KIF27: variants seen among roughly 807,000 people sequenced by gnomAD.
KIF27 encodes the protein kinesin-like protein KIF27.
KIF27 carries 84 observed loss-of-function variants against 141.8 expected under a neutral mutation model. The ratio of observed to expected loss-of-function variants is 0.59; its 90% CI spans 0.50 to 0.71. The LOEUF (loss-of-function observed/expected upper bound fraction) is 0.71. KIF27 is among the 30% of genes least tolerant of loss of function. KIF27 has a pLI of 0.00. For missense variants in KIF27, 1,306 were observed against 1,628.4 expected (o/e 0.80, Z 3.41); for synonymous variants, 471 against 569.5 (o/e 0.83, Z 2.46).
rs769178563 is a variant in KIF27, at chr9:83,899,792, C to T, written c.1471G>A (p.Ala491Thr). ...TTCTGATTAAATACTACTTCATCAG[C>T]AGCAAGCACACACTAGTGGGGAAAG... ...ELKKCQCVLA[A>T]DEVVFNQKEL... The change falls in exon 5 of 18, where the codon GCT (alanine) becomes ACT (threonine). Residue 491 changes from alanine to threonine, a missense_variant. Transcript: ENST00000297814. 5.6e-6 allele frequency: 9 copies of T among 1,611,856 alleles called. No homozygotes were observed. The highest frequency in any genetic ancestry group is 7.6e-6 in the Non-Finnish European group (9 of 1,178,874).
chr9:83,886,803 A>G (rs1319252013), intron 9 of KIF27, among the ~76,000 whole-genome samples: 3 of 152,022 alleles, frequency 2.0e-5, no homozygotes, highest in Non-Finnish European at 2.9e-5. Flanking sequence ...AGTGCCACAG[A>G]ATTTCAGCAC....
chr9:83,915,270 AG>A (rs770481807), intron 2 of KIF27, 23 bp downstream of exon 2: 1 of 1,553,538 alleles, frequency 6.4e-7, no homozygotes, highest in East Asian at 2.3e-5. Flanking sequence ...CACAAATAAA[AG>A]TCAAAGAGTA....
In KIF27 at chr9:83,850,005, T is replaced by C. The variant is rs943434389; in HGVS notation, c.3556+94A>G. 21 of 1,111,184 alleles carry C rather than the reference T, an allele frequency of 1.9e-5. No homozygotes were observed. In the South Asian group the frequency reaches 2.0e-4, roughly 11 times the overall value. The allele number at this position is 1,111,184 out of a possible 1,614,324, so 68.8% of individuals were successfully genotyped here. On this transcript the variant is annotated intron_variant, in intron 16 of 17. Coordinates refer to ENST00000297814, the MANE Select transcript of KIF27 (RefSeq NM_017576.4). The stretch of plus-strand genomic sequence containing the variant: ...TGTCTAAGTAGCAACTATTTAAACA[T>C]GTTGACCTTTTAAGTGATCAAATTC...
At chr9:83,905,306 G>T (rs1367530495) in intron 3 of KIF27, among the ~76,000 whole-genome samples, 1 of 152,080 alleles carries the variant, frequency 6.6e-6, no homozygotes, top group Non-Finnish European at 1.5e-5. Context: ...TTTTAGTACA[G>T]ACGGGGTTTC....
chr9:83,877,769 T>G (rs1221563880), intron 11 of KIF27, among the ~76,000 whole-genome samples: 2 of 152,182 alleles, frequency 1.3e-5, no homozygotes, highest in African/African-American at 4.8e-5. Context: ...TGATAGAATT[T>G]AATGTCAGAA....
chr9:83,899,864 A>C (rs1302266156), intron 4 of KIF27, 60 bp from the exon 5 acceptor site: 1 of 1,413,628 alleles, frequency 7.1e-7, no homozygotes, highest in Non-Finnish European at 9.6e-7. Context: ...GAAACCCCAT[A>C]TGATAACACA....
intron 3 of KIF27, among the ~76,000 whole-genome samples, chr9:83,905,592 A>G (rs893309446): frequency 2.6e-5 from 4 of 152,182 alleles, no homozygotes; most frequent in Non-Finnish European, 4.4e-5. Flanking sequence ...CCATCATGAC[A>G]CTTTTTAAAC....
At chr9:83,865,568 A>AT (rs1480799411) in intron 13 of KIF27, among the ~76,000 whole-genome samples, 1 of 152,162 alleles carries the variant, frequency 6.6e-6, no homozygotes, top group Non-Finnish European at 1.5e-5. Flanking sequence ...AAGTGCTGGG[A>AT]TTACAGGTGT....
rs866103281 is a variant in KIF27 at position 83,837,605 on chromosome 9, T to G, written c.3722-120A>C. The G allele has an allele frequency of 4.1e-6, 4 of 980,308 alleles. No individual in the cohort carries two copies. In the Middle Eastern group the frequency reaches 9.4e-4, roughly 230 times the overall value. The allele number at this position is 980,308 out of a possible 1,614,324, so 60.7% of individuals were successfully genotyped here. ...CCAATATGCATAATGTTTTTCAACTTTTTTGTTAAATGACTTATTTTAGAT... is the reference window on the plus strand; with the variant it reads ...CCAATATGCATAATGTTTTTCAACTGTTTTGTTAAATGACTTATTTTAGAT... On this transcript the variant is annotated intron_variant, in intron 17 of 17. Transcript: ENST00000297814.
chr9:83,919,547 T>G (rs1380603790), intron 1 of KIF27, among the ~76,000 whole-genome samples: 1 of 151,996 alleles, frequency 6.6e-6, no homozygotes, highest in Non-Finnish European at 1.5e-5. Flanking sequence ...TGAAATAATA[T>G]TTTATTAATA....
intron 2 of KIF27, among the ~76,000 whole-genome samples, chr9:83,913,556 C>A (rs1955397780): frequency 6.6e-6 from 1 of 152,108 alleles, no homozygotes; most frequent in South Asian, 2.1e-4. Flanking sequence ...TCTGCCTCAG[C>A]CTCCCAAGTA....
chr9:83,859,312 C>A lies in KIF27; in HGVS notation c.2994G>T (p.Leu998Phe), dbSNP rs117193939. ...STRLNLLEQELSEKNVQLQTS... is the reference protein window; with the variant it reads ...STRLNLLEQEFSEKNVQLQTS... ...TCTGGAGCTGCACATTCTTTTCAGA[C>A]AACTCTTGTTCCAGTAAGTTCAGGC... Residue 998 changes from leucine (L) to phenylalanine (F), a missense_variant, in exon 14 of 18, where the codon TTG becomes TTT. By Grantham distance (22) the Leu-to-Phe change is conservative. This residue lies in a region of KIF27 where 596 missense variants were observed against 751.6 expected (regional missense o/e 0.79). Transcript: ENST00000297814. The A allele has an allele frequency of 6.2e-7, 1 of 1,614,046 alleles. No individual in the cohort carries two copies. The highest frequency in any genetic ancestry group is 8.5e-7 in the Non-Finnish European group (1 of 1,179,950).
chr9:83,902,573 A>G lies in KIF27; in HGVS notation c.1458+487T>C, dbSNP rs573019256. 2.6e-5 allele frequency among the ~76,000 whole-genome samples: 4 copies of G among 152,354 alleles called. No individual in the cohort carries two copies. In the East Asian group the frequency reaches 7.7e-4, roughly 29 times the overall value. The stretch of plus-strand genomic sequence containing the variant: ...AATTTGTTGGTTTTTTTTAAAACCT[A>G]TACTCCAAACACAAGAGATGAAGTA... On this transcript the variant is annotated intron_variant, in intron 4 of 17. Transcript: ENST00000297814.
chr9:83,838,401 T>C (rs568106587), intron 17 of KIF27, among the ~76,000 whole-genome samples: 5 of 152,092 alleles, frequency 3.3e-5, no homozygotes, highest in African/African-American at 1.2e-4. Context: ...GCCCGGCGAA[T>C]TTTTTGTATT....
Position 83,870,581 on chromosome 9 carries a change from C to T in KIF27, c.2695G>A (p.Asp899Asn). The T allele has an allele frequency of 6.2e-7, 1 of 1,613,884 alleles. No homozygotes were observed. The highest frequency in any genetic ancestry group is 8.5e-7 in the Non-Finnish European group (1 of 1,179,862). The change falls in exon 12 of 18, where the codon GAC becomes AAC. Residue 899 changes from aspartate (D) to asparagine (N), a missense_variant. Physicochemically the swap from Asp to Asn is conservative, Grantham distance 23 (BLOSUM62 1). This residue lies in a region of KIF27 where 596 missense variants were observed against 751.6 expected (regional missense o/e 0.79). Coordinates refer to ENST00000297814, the MANE Select transcript of KIF27 (RefSeq NM_017576.4). ...CTTTTCAAGTTACATGCATCAAGGT[C>T]CTCAGCTTTCGGTTTTAGACCTTCT... ...QEEGLKPKAE[D>N]LDACNLKRRK...
chr9:83,893,492 G>C (rs3119753), intron 5 of KIF27, among the ~76,000 whole-genome samples: 102,235 of 151,628 alleles, frequency 0.67, 35,228 homozygotes, highest in African/African-American at 0.8. Flanking sequence ...ATTGATTAAA[G>C]AAAAATAAAT....
intron 1 of KIF27, among the ~76,000 whole-genome samples, chr9:83,920,622 T>C (rs1210911533): frequency 2.0e-5 from 3 of 152,102 alleles, no homozygotes; most frequent in African/African-American, 7.2e-5. Context: ...GTAAATCGCA[T>C]ACGGAGCTCA....
chr9:83,899,598 T>A, intron 5 of KIF27, 63 bp downstream of exon 5: 1 of 1,165,848 alleles, frequency 8.6e-7, no homozygotes, highest in Non-Finnish European at 1.2e-6. Context: ...TTTAAAATGC[T>A]ACTGTGTTTA....
intron 10 of KIF27, among the ~76,000 whole-genome samples, chr9:83,882,193 T>A (rs1475618278): frequency 6.6e-6 from 1 of 152,048 alleles, no homozygotes; most frequent in African/African-American, 2.4e-5. Flanking sequence ...TGAAACTGCG[T>A]CTCTACTAAA....
Sources: allele counts gnomAD v4.1 joint callset (sites outside exome capture counted in the v4.1 genomes callset), GRCh38; gene constraint gnomAD v4.1.1; regional missense constraint gnomAD v4.1.1; transcripts MANE v1.5; gene names NCBI Gene and HGNC (gene_info 2026-07-23, HGNC 2026-07-21).